The following BNIP5 variants were observed in gnomAD, a reference collection of about 807,000 sequenced individuals.
BNIP5 encodes the protein protein BNIP5.
In BNIP5, 61 loss-of-function variants were observed where a neutral mutation model predicts 67.3. The ratio of observed to expected loss-of-function variants is 0.91; its 90% CI spans 0.74 to 1.12. The LOEUF is 1.12. Among genes scored for constraint, BNIP5 ranks in the 50% most tolerant of loss-of-function variants. BNIP5 has a pLI of 0.00. For missense variants in BNIP5, 826 were observed against 816.3 expected (o/e 1.01, Z -0.14); for synonymous variants, 317 against 319.0 (o/e 0.99, Z 0.07).
chr6:36,320,218 G>A (rs1202397372), intron 10 of BNIP5, among the ~76,000 whole-genome samples: 1 of 152,174 alleles, frequency 6.6e-6, no homozygotes, highest in Non-Finnish European at 1.5e-5. Context: ...TTGGGTACAG[G>A]CATTTTATTC....
At chr6:36,328,942 G>A (rs1043132841) in intron 2 of BNIP5, among the ~76,000 whole-genome samples, 8 of 149,926 alleles carry the variant, frequency 5.3e-5, no homozygotes, top group African/African-American at 1.5e-4. Context: ...CCCCCTCCCC[G>A]CAAATCCTCA....
At position 36,316,457 on chromosome 6, in the gene BNIP5, G is replaced by T; in HGVS notation, c.*899C>A. 2.5e-6 allele frequency: 1 copy of T among 398,552 alleles called. No individual in the cohort carries two copies. The highest frequency in any genetic ancestry group is 4.4e-6 in the Non-Finnish European group (1 of 226,074). The allele number at this position is 398,552 out of a possible 1,614,324, so 24.7% of individuals were successfully genotyped here. A position where few individuals can be genotyped will look rare whatever the true frequency, so the allele number is the denominator to read the frequency against. ...TCAAGACATGTTACTGCTACCAGCTGCAAAACTGTCATGATAAATCTACAA... is the reference window on the plus strand; with the variant it reads ...TCAAGACATGTTACTGCTACCAGCTTCAAAACTGTCATGATAAATCTACAA... On this transcript the variant is annotated 3_prime_UTR_variant, in exon 12 of 12. Coordinates refer to ENST00000437635, the MANE Select transcript of BNIP5 (RefSeq NM_001010903.5).
At chr6:36,321,352 T>G (rs955218887) in intron 9 of BNIP5, 133 bp from the exon 10 acceptor site, 4 of 688,166 alleles carry the variant, frequency 5.8e-6, no homozygotes, top group Non-Finnish European at 1.0e-5. Context: ...GCACACACGT[T>G]AGTTATGATG....
Position 36,330,701 on chromosome 6 carries a change from C to T in BNIP5, c.-4-7G>A, listed in dbSNP as rs760303164. The T allele has an allele frequency of 6.5e-7, 1 of 1,539,034 alleles. No individual in the cohort carries two copies. The highest frequency in any genetic ancestry group is 8.7e-7 in the Non-Finnish European group (1 of 1,153,066). ...CCTTGGATTCTCCATCGGGCTGCAA[C>T]CAAAACACACAGCTCCCTTAGTTTT... On this transcript the variant is annotated splice_polypyrimidine_tract_variant and splice_region_variant and intron_variant, in intron 1 of 11. Transcript: ENST00000437635.
chr6:36,325,936 T>C (rs538365480), intron 5 of BNIP5, among the ~76,000 whole-genome samples: 1 of 152,366 alleles, frequency 6.6e-6, no homozygotes, highest in South Asian at 2.1e-4. Context: ...CCATGTGGCC[T>C]TGAACACATT....
intron 9 of BNIP5, among the ~76,000 whole-genome samples, chr6:36,322,028 C>T (rs965674057): frequency 5.3e-5 from 8 of 152,194 alleles, no homozygotes; most frequent in Non-Finnish European, 1.0e-4. Context: ...TTATGAGACC[C>T]GGAGCAAGCT....
chr6:36,320,591 T>C (rs531725146), intron 10 of BNIP5, among the ~76,000 whole-genome samples: 1 of 152,366 alleles, frequency 6.6e-6, no homozygotes, highest in Non-Finnish European at 1.5e-5. Flanking sequence ...TGCTGATTAC[T>C]CATCTTTAAC....
chr6:36,327,191 G>A, intron 3 of BNIP5, 97 bp from the exon 4 acceptor site: 1 of 1,092,386 alleles, frequency 9.2e-7, no homozygotes, highest in South Asian at 1.3e-5. Flanking sequence ...CAACTCTTTA[G>A]GCCACACAAT....
Position 36,317,309 on chromosome 6 carries a change from C to A in BNIP5, c.*47G>T. 6.6e-7 allele frequency: 1 copy of A among 1,524,780 alleles called. No homozygotes were observed. Among genetic ancestry groups the A allele is most frequent in the Non-Finnish European group, 9.1e-7 (1 of 1,098,524 alleles). The allele number at this position is 1,524,780 out of a possible 1,614,324, so 94.5% of individuals were successfully genotyped here. A position where few individuals can be genotyped will look rare whatever the true frequency, so the allele number is the denominator to read the frequency against. ...CTTCAGGGTCTCCTGGCTAAAGCTG[C>A]GAACCATTTGGCTAGTTCAAGGGAA... On this transcript the variant is annotated 3_prime_UTR_variant, in exon 12 of 12. Transcript: ENST00000437635.
In BNIP5 at chr6:36,328,580, C is replaced by G. The variant is rs1771813852; in HGVS notation, c.727+18G>C. Reference sequence around the variant, plus strand: ...ACCTCAGCCACAGGCAAAAAGGTCACTAGAGATTCCGACTCACGGTCAGGC... The same window carrying G: ...ACCTCAGCCACAGGCAAAAAGGTCAGTAGAGATTCCGACTCACGGTCAGGC... On this transcript the variant is annotated intron_variant, in intron 3 of 11. Coordinates refer to ENST00000437635, the MANE Select transcript of BNIP5 (RefSeq NM_001010903.5). The G allele has an allele frequency of 6.5e-7, 1 of 1,528,248 alleles. No homozygotes were observed. The highest frequency in any genetic ancestry group is 1.4e-5 in the African/African-American group (1 of 73,130). The allele number at this position is 1,528,248 out of a possible 1,614,324, so 94.7% of individuals were successfully genotyped here.
intron 6 of BNIP5, 34 bp from the exon 7 acceptor site, chr6:36,324,224 TG>T (rs1268598909): frequency 6.3e-7 from 1 of 1,585,500 alleles, no homozygotes; most frequent in Admixed American, 1.7e-5. Flanking sequence ...TTAACTTTGG[TG>T]CTACGAAATC....
At chr6:36,324,675 T>TAAAATAATAA (rs1377047471) in intron 6 of BNIP5, among the ~76,000 whole-genome samples, 1 of 115,974 alleles carries the variant, frequency 8.6e-6, no homozygotes, top group Non-Finnish European at 1.7e-5. Context: ...CTGCCAATGG[T>TAAAATAATAA]AAAATAATAA....
rs775282775 is a variant in BNIP5 at position 36,323,579 on chromosome 6, G to A, written c.1231-46C>T. 6.8e-6 allele frequency: 11 copies of A among 1,608,322 alleles called. No individual in the cohort carries two copies. The East Asian group carries it at 2.5e-4, about 36-fold the overall frequency. On this transcript the variant is annotated intron_variant, in intron 7 of 11. Transcript: ENST00000437635. The stretch of plus-strand genomic sequence containing the variant: ...ACTGAGTCAGGGCCCCTGACCTTGA[G>A]GAGATCTCAGGTGAGGTGGGGAAAG...
chr6:36,322,246 G>C, intron 9 of BNIP5, 65 bp downstream of exon 9: 1 of 1,598,632 alleles, frequency 6.3e-7, no homozygotes, highest in Non-Finnish European at 8.6e-7. Context: ...TATTCAGCCT[G>C]TGAACTCCAT....
chr6:36,319,270 G>C (rs1405965364), intron 11 of BNIP5, 86 bp downstream of exon 11: 10 of 1,515,726 alleles, frequency 6.6e-6, no homozygotes, highest in African/African-American at 1.4e-5. Context: ...GAGGGGAGAG[G>C]AGGATAAGTA....
At chr6:36,332,361 C>T (rs1350947478) in intron 1 of BNIP5, among the ~76,000 whole-genome samples, 1 of 152,064 alleles carries the variant, frequency 6.6e-6, no homozygotes, top group African/African-American at 2.4e-5. Flanking sequence ...CATCAGCACA[C>T]CCTTTCCCCT....
chr6:36,323,220 CGACA>C (rs906449122), intron 8 of BNIP5, 69 bp downstream of exon 8: 7 of 1,588,050 alleles, frequency 4.4e-6, no homozygotes, highest in Admixed American at 3.4e-5. Flanking sequence ...AGCCTGTCAA[CGACA>C]GACAGGCCAC....
chr6:36,318,837 A>G (rs1000957673), intron 11 of BNIP5, among the ~76,000 whole-genome samples: 1 of 152,228 alleles, frequency 6.6e-6, no homozygotes, highest in East Asian at 1.9e-4. Flanking sequence ...TGACGGCAGG[A>G]GAGAGGCTGT....
chr6:36,328,311 T>C (rs545785361), intron 3 of BNIP5, among the ~76,000 whole-genome samples: 1 of 152,342 alleles, frequency 6.6e-6, no homozygotes, highest in African/African-American at 2.4e-5. Flanking sequence ...TTCTTCTACA[T>C]ATTTTTTAAA....
Sources: allele counts gnomAD v4.1 joint callset (sites outside exome capture counted in the v4.1 genomes callset), GRCh38; gene constraint gnomAD v4.1.1; transcripts MANE v1.5; gene names NCBI Gene and HGNC (gene_info 2026-07-23, HGNC 2026-07-21).